WASF1: variants seen among roughly 807,000 people sequenced by gnomAD.
WASF1 encodes the protein actin-binding protein WASF1.
A neutral mutation model predicts 50.5 loss-of-function variants in WASF1; 7 were observed. That is an observed-to-expected ratio of 0.14 (90% CI 0.08 to 0.26). The LOEUF (loss-of-function observed/expected upper bound fraction) is 0.26, where lower values mean the gene tolerates loss of function less well. WASF1 is among the 10% of genes least tolerant of loss of function. The pLI, the probability that WASF1 is intolerant of heterozygous loss-of-function variation, is 1.00. For synonymous variants in WASF1, 205 were observed against 244.0 expected (o/e 0.84, Z 1.49); for missense variants, 470 against 694.7 (o/e 0.68, Z 3.64).
intron 10 of WASF1, 137 bp from the exon 11 acceptor site, chr6:110,100,816 AATC>A (rs1438112280): frequency 2.8e-6 from 3 of 1,085,848 alleles, no homozygotes; most frequent in Admixed American, 7.0e-5. Context: ...AATGTGAAGA[AATC>A]ATACTGAGAG....
chr6:110,155,397 G>C (rs1776016110), intron 3 of WASF1, among the ~76,000 whole-genome samples: 1 of 151,736 alleles, frequency 6.6e-6, no homozygotes, highest in Non-Finnish European at 1.5e-5. Context: ...AGCAAATCTA[G>C]GATCAATAGC....
intron 5 of WASF1, among the ~76,000 whole-genome samples, chr6:110,109,707 A>G (rs1206732461): frequency 6.6e-6 from 1 of 151,160 alleles, no homozygotes; most frequent in Non-Finnish European, 1.5e-5. Context: ...ACCTGCCACC[A>G]TGGCCGACTA....
chr6:110,133,867 A>C (rs1774817064), intron 3 of WASF1, among the ~76,000 whole-genome samples: 1 of 151,952 alleles, frequency 6.6e-6, no homozygotes, highest in Non-Finnish European at 1.5e-5. Flanking sequence ...TAGTTTAATT[A>C]AGTCTTATAT....
At chr6:110,146,115 TA>T (rs1251283773) in intron 3 of WASF1, among the ~76,000 whole-genome samples, 2 of 152,216 alleles carry the variant, frequency 1.3e-5, no homozygotes, top group Admixed American at 1.3e-4. Flanking sequence ...ACATGTACCC[TA>T]AAACTTAAAG....
intron 3 of WASF1, among the ~76,000 whole-genome samples, chr6:110,155,472 A>G (rs1443903937): frequency 6.6e-6 from 1 of 150,986 alleles, no homozygotes; most frequent in African/African-American, 2.4e-5. Context: ...GACATTTCCA[A>G]TAAGGAAATT....
intron 2 of WASF1, among the ~76,000 whole-genome samples, chr6:110,161,470 T>C (rs1357828791): frequency 6.6e-6 from 1 of 151,606 alleles, no homozygotes; most frequent in Non-Finnish European, 1.5e-5. Flanking sequence ...CATGAGCCTC[T>C]TAGATAGCAG....
chr6:110,128,281 A>G (rs950167805), intron 3 of WASF1, among the ~76,000 whole-genome samples: 3 of 152,206 alleles, frequency 2.0e-5, no homozygotes, highest in Non-Finnish European at 4.4e-5. Context: ...TGAATTCACA[A>G]TTATCACCAT....
At chr6:110,114,275 T>C (rs1312230353) in intron 4 of WASF1, among the ~76,000 whole-genome samples, 2 of 152,192 alleles carry the variant, frequency 1.3e-5, no homozygotes, top group Non-Finnish European at 2.9e-5. Flanking sequence ...CCACCAGTGA[T>C]GCTGGAAGTA....
At chr6:110,111,515 T>C (rs1235061519) in intron 5 of WASF1, among the ~76,000 whole-genome samples, 1 of 152,168 alleles carries the variant, frequency 6.6e-6, no homozygotes, top group Non-Finnish European at 1.5e-5. Context: ...AGGAATTAAA[T>C]AGACATTTCT....
At chr6:110,118,593 C>T (rs58100980) in intron 4 of WASF1, among the ~76,000 whole-genome samples, 11,085 of 151,874 alleles carry the variant, frequency 0.073, 547 homozygotes, top group African/African-American at 0.14. Context: ...ACAATAATAA[C>T]GGGAGACTTT....
chr6:110,171,434 T>C (rs1776707954), intron 2 of WASF1, among the ~76,000 whole-genome samples: 1 of 152,160 alleles, frequency 6.6e-6, no homozygotes, highest in African/African-American at 2.4e-5. Flanking sequence ...AAGCAGTGCT[T>C]GGAGGGAAAT....
At chr6:110,143,340 T>A (rs1184452944) in intron 3 of WASF1, among the ~76,000 whole-genome samples, 1 of 150,244 alleles carries the variant, frequency 6.7e-6, no homozygotes, top group Non-Finnish European at 1.5e-5. Flanking sequence ...TTGACAGAAT[T>A]CTAAATTGTT....
chr6:110,176,344 T>C (rs534240916), intron 2 of WASF1, among the ~76,000 whole-genome samples: 3 of 152,146 alleles, frequency 2.0e-5, no homozygotes, highest in Non-Finnish European at 2.9e-5. Context: ...ACAAAAAATA[T>C]GTTAACATAC....
intron 3 of WASF1, among the ~76,000 whole-genome samples, chr6:110,149,423 A>G (rs540288948): frequency 1.7e-4 from 26 of 151,462 alleles, no homozygotes; most frequent in African/African-American, 6.3e-4. Flanking sequence ...ATGCCCCACA[A>G]TTCATATGAA....
chr6:110,121,953 A>G (rs1774150678), intron 4 of WASF1, among the ~76,000 whole-genome samples: 1 of 149,850 alleles, frequency 6.7e-6, no homozygotes, highest in Admixed American at 6.7e-5. Context: ...CAAACACCAG[A>G]TGTTCTCACT....
chr6:110,150,580 A>G (rs1233415134), intron 3 of WASF1, among the ~76,000 whole-genome samples: 1 of 152,254 alleles, frequency 6.6e-6, no homozygotes, highest in Non-Finnish European at 1.5e-5. Flanking sequence ...GACAGCACTG[A>G]TGTCCATCAC....
At chr6:110,167,925 T>G (rs1305321690) in intron 2 of WASF1, among the ~76,000 whole-genome samples, 1 of 152,010 alleles carries the variant, frequency 6.6e-6, no homozygotes, top group African/African-American at 2.4e-5. Context: ...CTGATTACAT[T>G]GGAAACATTT....
At chr6:110,152,946 G>A (rs1447171419) in intron 3 of WASF1, among the ~76,000 whole-genome samples, 16 of 152,212 alleles carry the variant, frequency 1.1e-4, no homozygotes. Context: ...TGTCACCATA[G>A]ATTAATTTGC....
At chr6:110,146,543 AATAT>A (rs1583998168) in intron 3 of WASF1, among the ~76,000 whole-genome samples, 1 of 151,874 alleles carries the variant, frequency 6.6e-6, no homozygotes, top group East Asian at 1.9e-4. Flanking sequence ...TTTATTTAAA[AATAT>A]ATATATCTAA....
Sources: gnomAD v4.1 joint callset for allele counts (sites outside exome capture counted in the v4.1 genomes callset) on GRCh38, gnomAD v4.1.1 for gene constraint, MANE v1.5 for transcripts, NCBI Gene and HGNC (gene_info 2026-07-23, HGNC 2026-07-21) for gene names.